Variants in RTN1 observed in about 807,000 individuals in gnomAD.
RTN1 encodes the protein reticulon-1.
RTN1 carries 25 observed loss-of-function variants against 65.5 expected under a neutral mutation model. The observed-to-expected ratio is 0.38, with a 90% confidence interval of 0.28 to 0.53. The LOEUF is 0.53. Ranked by LOEUF, RTN1 falls within the 20% of genes least tolerant of loss-of-function variation. RTN1 has a pLI of 0.79. For synonymous variants in RTN1, 471 were observed against 447.6 expected (o/e 1.05, Z -0.66); for missense variants, 983 against 1,025.4 (o/e 0.96, Z 0.57).
rs533135047 is a variant in RTN1 at position 59,708,103 on chromosome 14, C to A, written c.1765+18816G>T. Among the ~76,000 whole-genome samples the A allele has an allele frequency of 2.6e-5, 4 of 152,316 alleles. No homozygotes were observed. The East Asian group carries it at 7.7e-4, about 29-fold the overall frequency. On this transcript the variant is annotated intron_variant, in intron 3 of 8. Coordinates refer to ENST00000267484, the MANE Select transcript of RTN1 (RefSeq NM_021136.3). ...AAAAATGAATCCGGTATTGTTAAAT[C>A]ATTCGTTAAAAACAACTCCAAGCAT...
At chr14:59,749,154 C>CTATATA (rs373547018) in intron 1 of RTN1, among the ~76,000 whole-genome samples, 1 of 59,240 alleles carries the variant, frequency 1.7e-5, no homozygotes, top group African/African-American at 1.1e-4. Flanking sequence ...ATCTATCTAT[C>CTATATA]TATATCTATC....
At chr14:59,749,587 TTATA>T (rs1173360459) in intron 1 of RTN1, among the ~76,000 whole-genome samples, 5 of 36,432 alleles carry the variant, frequency 1.4e-4, no homozygotes, top group African/African-American at 4.8e-4. Flanking sequence ...ATATAGATAT[TTATA>T]TATATATCTA....
intron 3 of RTN1, among the ~76,000 whole-genome samples, chr14:59,631,496 A>G (rs759285747): frequency 2.0e-5 from 3 of 152,174 alleles, no homozygotes; most frequent in Non-Finnish European, 2.9e-5. Flanking sequence ...TTTGGGAGAT[A>G]AGACTTTTGG....
Position 59,700,747 on chromosome 14 carries a change from A to G in RTN1, c.1765+26172T>C, listed in dbSNP as rs377466291. On this transcript the variant is annotated intron_variant, in intron 3 of 8. Coordinates refer to ENST00000267484, the MANE Select transcript of RTN1 (RefSeq NM_021136.3). The stretch of plus-strand genomic sequence containing the variant: ...AATCAAAGACCTAAATGAAAGAACT[A>G]AAACTTTAAAACTCTTAGATGAAAA... Among the ~76,000 whole-genome samples, 16 of 152,308 alleles carry G rather than the reference A, an allele frequency of 1.1e-4. No homozygotes were observed. The South Asian group carries it at 1.2e-3, about 12-fold the overall frequency.
Position 59,823,215 on chromosome 14 carries a change from G to C in RTN1, c.241+47175C>G, listed in dbSNP as rs181340734. On this transcript the variant is annotated intron_variant, in intron 1 of 8. Transcript: ENST00000267484. The stretch of plus-strand genomic sequence containing the variant: ...ATGTTGGGTGCATACACATTTAAGA[G>C]AGTTAAGTCTTCTTGTTGGGTTGGG... Among the ~76,000 whole-genome samples, 275 of 152,070 alleles carry C rather than the reference G, an allele frequency of 1.8e-3. 2 individuals are homozygous for C. The highest frequency in any genetic ancestry group is 3.1e-3 in the Non-Finnish European group (213 of 68,000).
chr14:59,686,238 G>T (rs912509563), intron 3 of RTN1, among the ~76,000 whole-genome samples: 2 of 152,160 alleles, frequency 1.3e-5, no homozygotes, highest in African/African-American at 4.8e-5. Flanking sequence ...TAGGGAGAAA[G>T]CTCTGTGACA....
In RTN1 at chr14:59,746,360, T is replaced by C. The variant is rs750674515; in HGVS notation, c.363A>G (p.Thr121=). 4 of 1,614,034 alleles carry C rather than the reference T, an allele frequency of 2.5e-6. No individual in the cohort carries two copies. Among genetic ancestry groups the C allele is most frequent in the Admixed American group, 3.3e-5 (2 of 59,996 alleles). The change falls in exon 2 of 9, where the codon ACA becomes ACG. Residue 121 remains threonine (T), a synonymous_variant. Transcript: ENST00000267484. ...CCTTCTGAAGAATTCCAGTAAAATATGTAGAATCCTCCTGAGGTGGATAGC... is the reference window on the plus strand; with the variant it reads ...CCTTCTGAAGAATTCCAGTAAAATACGTAGAATCCTCCTGAGGTGGATAGC... ...DICYPPQEDS[T]YFTGILQKEN... is the part of the protein sequence containing the mutation.
In RTN1 at chr14:59,870,593, G is replaced by C; in HGVS notation, c.38C>G (p.Pro13Arg). 6.9e-7 allele frequency: 1 copy of C among 1,444,228 alleles called. No homozygotes were observed. Among genetic ancestry groups the C allele is most frequent in the Non-Finnish European group, 9.1e-7 (1 of 1,103,288 alleles). The allele number at this position is 1,444,228 out of a possible 1,614,324, so 89.5% of individuals were successfully genotyped here. Residue 13 changes from proline to arginine, a missense_variant, in exon 1 of 9, where the codon CCG (proline) becomes CGG (arginine). Physicochemically the swap from Pro to Arg is moderately radical, Grantham distance 103. Transcript: ENST00000267484. This position sits in a 1 kb window ranked among gnomAD's most constrained non-coding sequence, Gnocchi z 5.1. The stretch of plus-strand genomic sequence containing the variant: ...CCACTGGGACCCGGGGCCGGCCAGC[G>C]GCAGCAGCTCGTCCTGCGGATCCCC... Reference protein sequence around the residue: ...APGDPQDELLPLAGPGSQWLR... With the variant: ...APGDPQDELLRLAGPGSQWLR...
At chr14:59,765,357 C>T (rs1027180918) in intron 1 of RTN1, among the ~76,000 whole-genome samples, 22 of 152,184 alleles carry the variant, frequency 1.4e-4, no homozygotes, top group Admixed American at 9.8e-4. Flanking sequence ...ATTTAAGCTC[C>T]ATCTTGAAGG....
At chr14:59,768,286 T>A (rs1885887736) in intron 1 of RTN1, among the ~76,000 whole-genome samples, 1 of 152,218 alleles carries the variant, frequency 6.6e-6, no homozygotes, top group South Asian at 2.1e-4. Context: ...AAGTGTTTTT[T>A]AAAAAATTCC....
intron 1 of RTN1, among the ~76,000 whole-genome samples, chr14:59,812,699 A>G (rs754423823): frequency 1.2e-4 from 18 of 152,220 alleles, no homozygotes; most frequent in Non-Finnish European, 2.6e-4. Context: ...AAGTGTGCAT[A>G]AGCAAACACA....
intron 3 of RTN1, among the ~76,000 whole-genome samples, chr14:59,609,122 T>C (rs1881862844): frequency 6.6e-6 from 1 of 151,868 alleles, no homozygotes; most frequent in Non-Finnish European, 1.5e-5. Flanking sequence ...CCGTCTCTAC[T>C]AAAAATAACA....
chr14:59,805,121 A>G (rs1441818690), intron 1 of RTN1, among the ~76,000 whole-genome samples: 2 of 152,320 alleles, frequency 1.3e-5, no homozygotes, highest in East Asian at 3.9e-4. Flanking sequence ...GTGTGGCTCA[A>G]TGCTTTCCTT....
At chr14:59,622,565 G>A (rs1594637421) in intron 3 of RTN1, among the ~76,000 whole-genome samples, 3 of 152,180 alleles carry the variant, frequency 2.0e-5, no homozygotes, top group African/African-American at 4.8e-5. Flanking sequence ...GTCCAAAGAG[G>A]TGATTAAGAG....
At chr14:59,854,663 A>AAAAAAG (rs1887572419) in intron 1 of RTN1, among the ~76,000 whole-genome samples, 1 of 145,850 alleles carries the variant, frequency 6.9e-6, no homozygotes, top group South Asian at 2.2e-4. Flanking sequence ...AAAAAAAAAA[A>AAAAAAG]ATAGATGCTG....
At chr14:59,701,038 A>T (rs1378033785) in intron 3 of RTN1, among the ~76,000 whole-genome samples, 1 of 152,202 alleles carries the variant, frequency 6.6e-6, no homozygotes, top group Non-Finnish European at 1.5e-5. Context: ...AATCCGCCTA[A>T]TGTAAAAATG....
intron 3 of RTN1, among the ~76,000 whole-genome samples, chr14:59,707,708 T>TACACAC (rs34046826): frequency 3.9e-4 from 57 of 145,776 alleles, no homozygotes; most frequent in African/African-American, 1.0e-3. Context: ...CTCTCTCTTT[T>TACACAC]ACACACACAC....
intron 1 of RTN1, among the ~76,000 whole-genome samples, chr14:59,795,709 A>G (rs1566729779): frequency 2.0e-5 from 3 of 152,210 alleles, no homozygotes; most frequent in African/African-American, 7.2e-5. Context: ...ATAAGGGGCA[A>G]ACCTTGACAT....
At chr14:59,746,554 C>T (rs1360434746) in intron 1 of RTN1, 73 bp from the exon 2 acceptor site, 2 of 1,292,698 alleles carry the variant, frequency 1.5e-6, no homozygotes, top group African/African-American at 1.5e-5. Flanking sequence ...AACCCACCAC[C>T]CACCCCTGCC....
Sources: allele counts gnomAD v4.1 joint callset (sites outside exome capture counted in the v4.1 genomes callset), GRCh38; gene constraint gnomAD v4.1.1; non-coding constraint Gnocchi (gnomAD v3.1); transcripts MANE v1.5; gene names NCBI Gene and HGNC (gene_info 2026-07-23, HGNC 2026-07-21).